STRN: variants seen among roughly 807,000 people sequenced by gnomAD.
STRN encodes striatin, also known as protein phosphatase 2 regulatory subunit B'''alpha.
In STRN, 53 loss-of-function variants were observed where a neutral mutation model predicts 96.3. That is an observed-to-expected ratio of 0.55 (90% confidence interval 0.44 to 0.69). STRN has a LOEUF of 0.69. Ranked by LOEUF, STRN falls within the 30% of genes least tolerant of loss-of-function variation. STRN has a pLI of 0.00. For missense variants in STRN, 987 were observed against 963.9 expected, an observed-to-expected ratio of 1.02 and a Z score of -0.32; for synonymous variants, 428 against 355.9, an observed-to-expected ratio of 1.20 and a Z score of -2.28.
At chr2:36,916,359 C>A (rs902707479) in intron 2 of STRN, among the ~76,000 whole-genome samples, 3 of 151,954 alleles carry the variant, frequency 2.0e-5, no homozygotes, top group Non-Finnish European at 4.4e-5. Flanking sequence ...ATCCTTATAA[C>A]AAAATAAAGG....
At chr2:36,849,950 C>G (rs1668180228) in intron 16 of STRN, 150 bp from the exon 17 acceptor site, 1 of 721,272 alleles carries the variant, frequency 1.4e-6, no homozygotes, top group Admixed American at 2.8e-5. Flanking sequence ...CAACATGTCT[C>G]CCTCTTGCCT....
intron 3 of STRN, among the ~76,000 whole-genome samples, chr2:36,911,442 T>A (rs1346212316): frequency 6.6e-6 from 1 of 152,210 alleles, no homozygotes; most frequent in Non-Finnish European, 1.5e-5. Context: ...ACTGCCTGCA[T>A]GTCAAATCCA....
chr2:36,937,342 CA>C (rs59891421), intron 1 of STRN, among the ~76,000 whole-genome samples: 84,380 of 107,660 alleles, frequency 0.78, 33,008 homozygotes, highest in Non-Finnish European at 0.86. Context: ...GAGACTGTCT[CA>C]AAAAAAAAAA....
At chr2:36,946,902 C>T (rs78079149) in intron 1 of STRN, among the ~76,000 whole-genome samples, 2 of 146,296 alleles carry the variant, frequency 1.4e-5, no homozygotes, top group African/African-American at 5.0e-5. Flanking sequence ...ACAAAAATTT[C>T]TTTTTTTTTT....
chr2:36,899,390 CATAA>C (rs2148195655), intron 6 of STRN, 129 bp downstream of exon 6: 2 of 829,874 alleles, frequency 2.4e-6, no homozygotes, highest in South Asian at 3.7e-5. Context: ...TACAAACTCT[CATAA>C]ATGTCTCCAA....
In STRN at chr2:36,887,746, T is replaced by C. The variant is rs181483378; in HGVS notation, c.932-920A>G. ...TTACAACTTAAATGATGTTAGTTTA[T>C]AAATTCTTAAAACAGGAAACTGAGT... is the stretch of plus-strand genomic sequence containing the variant. On this transcript the variant is annotated intron_variant, in intron 7 of 17. Coordinates refer to ENST00000263918, the MANE Select transcript of STRN (RefSeq NM_003162.4). Among the ~76,000 whole-genome samples, 280 of 152,332 alleles carry C rather than the reference T, an allele frequency of 1.8e-3. 1 individual carries two copies. Among genetic ancestry groups the C allele is most frequent in the Non-Finnish European group, 2.1e-3 (143 of 68,020 alleles).
chr2:36,864,441 A>T (rs1010426800), intron 12 of STRN, among the ~76,000 whole-genome samples: 1 of 152,210 alleles, frequency 6.6e-6, no homozygotes, highest in Non-Finnish European at 1.5e-5. Context: ...AGTTCTGTTC[A>T]TGTGATGAAC....
At chr2:36,890,408 A>G (rs930845626) in intron 7 of STRN, among the ~76,000 whole-genome samples, 1 of 151,972 alleles carries the variant, frequency 6.6e-6, no homozygotes, top group Non-Finnish European at 1.5e-5. Flanking sequence ...AAGTAAAGGC[A>G]TATGAAAAAT....
intron 1 of STRN, among the ~76,000 whole-genome samples, chr2:36,950,548 T>C (rs1462950264): frequency 1.3e-5 from 2 of 152,156 alleles, no homozygotes; most frequent in African/African-American, 2.4e-5. Context: ...GAGATGACCA[T>C]TGGCATAATG....
At position 36,947,619 on chromosome 2, in the gene STRN, T is replaced by G. The variant is rs964760500; in HGVS notation, c.234+18611A>C. 2.0e-5 allele frequency among the ~76,000 whole-genome samples: 3 copies of G among 149,952 alleles called. No homozygotes were observed. The Admixed American group carries it at 2.0e-4, about 10-fold the overall frequency. ...CTGAACTGTGTTTTACAAAATTCAA[T>G]GTAGAACTGTGTTCTACAAAAATTC... On this transcript the variant is annotated intron_variant, in intron 1 of 17. Transcript: ENST00000263918.
chr2:36,930,649 C>T (rs1191302401), intron 1 of STRN, among the ~76,000 whole-genome samples: 1 of 151,974 alleles, frequency 6.6e-6, no homozygotes, highest in African/African-American at 2.4e-5. Context: ...TGACTTAAAC[C>T]GTTTGTAACA....
rs1166939882 is a variant in STRN, at chr2:36,957,748, T to TG, written c.234+8481_234+8482insC. On this transcript the variant is annotated intron_variant, in intron 1 of 17. Transcript: ENST00000263918. ...TCTCATAGTTCTTCTTTTTGTCTTT[T>TG]TTTTTTTTTTTTTTTTTTTTTTTTG... Among the ~76,000 whole-genome samples, 6 of 75,850 alleles carry TG rather than the reference T, an allele frequency of 7.9e-5. 1 individual carries two copies. The highest frequency in any genetic ancestry group is 4.3e-4 in the African/African-American group (6 of 14,052). The allele number at this position is 75,850 out of a possible 152,430, so 49.8% of individuals were successfully genotyped here.
chr2:36,914,796 T>C (rs552973324), intron 3 of STRN, among the ~76,000 whole-genome samples: 5 of 152,304 alleles, frequency 3.3e-5, no homozygotes, highest in South Asian at 2.1e-4. Context: ...CTGTGTGACG[T>C]TGGGCAAGTT....
At chr2:36,880,525 A>T (rs1669042313) in intron 9 of STRN, among the ~76,000 whole-genome samples, 2 of 152,204 alleles carry the variant, frequency 1.3e-5, no homozygotes, top group Non-Finnish European at 2.9e-5. Flanking sequence ...ATAGAGCATA[A>T]ATTAAGACAT....
chr2:36,849,400 T>G lies in STRN; in HGVS notation c.*56A>C, dbSNP rs1558619653. 2 of 1,583,348 alleles carry G rather than the reference T, an allele frequency of 1.3e-6. No individual in the cohort carries two copies. Among genetic ancestry groups the G allele is most frequent in the Non-Finnish European group, 1.7e-6 (2 of 1,159,432 alleles). On this transcript the variant is annotated 3_prime_UTR_variant, in exon 18 of 18. Coordinates refer to ENST00000263918, the MANE Select transcript of STRN (RefSeq NM_003162.4). ...GATTCTTGCCCTCGTCTTCTGTATCTCTTGTGTGCAGTTGATTACTTATAA... is the reference window on the plus strand; with the variant it reads ...GATTCTTGCCCTCGTCTTCTGTATCGCTTGTGTGCAGTTGATTACTTATAA...
intron 10 of STRN, among the ~76,000 whole-genome samples, chr2:36,870,252 AAC>A (rs3836071): frequency 0.89 from 134,374 of 151,038 alleles, 60,926 homozygotes; most frequent in Non-Finnish European, 0.98. Context: ...CCACTGGTAA[AAC>A]ACACATGTTC....
intron 6 of STRN, among the ~76,000 whole-genome samples, chr2:36,899,071 C>T (rs1312776286): frequency 6.6e-6 from 1 of 152,062 alleles, no homozygotes; most frequent in African/African-American, 2.4e-5. Context: ...TGAGAAGAAC[C>T]CTAAACAATT....
intron 5 of STRN, among the ~76,000 whole-genome samples, chr2:36,901,444 C>G (rs574003431): frequency 6.6e-6 from 1 of 150,666 alleles, no homozygotes; most frequent in African/African-American, 2.4e-5. Flanking sequence ...CTCAGCTACT[C>G]GGGAGGCTGA....
chr2:36,838,414 A>G lies in STRN; in HGVS notation c.*11042T>C, dbSNP rs968937510. ...TTCTAACCTACAGAACTTTGAATAG[A>G]TAATTCAGTTCTGAGTGCAATCCAG... On this transcript the variant is annotated 3_prime_UTR_variant, in exon 18 of 18. Transcript: ENST00000263918. Among the ~76,000 whole-genome samples, 1 of 152,234 alleles carries G rather than the reference A, an allele frequency of 6.6e-6. No homozygotes were observed. The highest frequency in any genetic ancestry group is 2.4e-5 in the African/African-American group (1 of 41,468).
Sources: gnomAD v4.1 joint callset for allele counts (sites outside exome capture counted in the v4.1 genomes callset) on GRCh38, gnomAD v4.1.1 for gene constraint, MANE v1.5 for transcripts, NCBI Gene and HGNC (gene_info 2026-07-23, HGNC 2026-07-21) for gene names.